MAGI1: variants seen among roughly 807,000 people sequenced by gnomAD.
The protein encoded by MAGI1 is membrane associated guanylate kinase, WW and PDZ domain containing 1, also known as membrane-associated guanylate kinase, WW and PDZ domain-containing protein 1.
MAGI1 carries 58 observed loss-of-function variants against 139.9 expected under a neutral mutation model. That is an observed-to-expected ratio of 0.41 (90% confidence interval 0.34 to 0.52). The LOEUF (loss-of-function observed/expected upper bound fraction) is 0.52. Ranked by LOEUF, MAGI1 falls within the 20% of genes least tolerant of loss-of-function variation. MAGI1 has a pLI of 0.12. For synonymous variants in MAGI1, 812 were observed against 737.9 expected (o/e 1.10, Z -1.63); for missense variants, 1,874 against 1,901.6 (o/e 0.99, Z 0.27).
intron 1 of MAGI1, among the ~76,000 whole-genome samples, chr3:65,982,264 C>A (rs1445519233): frequency 6.6e-6 from 1 of 152,190 alleles, no homozygotes; most frequent in Admixed American, 6.5e-5. Flanking sequence ...CAGCCTGAGA[C>A]TGGCCTGGGG....
intron 2 of MAGI1, among the ~76,000 whole-genome samples, chr3:65,621,691 G>A (rs1037194721): frequency 6.6e-6 from 1 of 152,188 alleles, no homozygotes; most frequent in Non-Finnish European, 1.5e-5. Flanking sequence ...CCTCATAGCA[G>A]TTCCATGAAG....
At chr3:65,467,152 C>A (rs62255273) in intron 5 of MAGI1, among the ~76,000 whole-genome samples, 18,787 of 152,238 alleles carry the variant, frequency 0.12, 1,383 homozygotes, top group Middle Eastern at 0.17. Context: ...ATTTGCTCTT[C>A]CTTTCAAAGT....
chr3:65,643,295 C>G (rs1559748654), intron 1 of MAGI1, among the ~76,000 whole-genome samples: 1 of 152,292 alleles, frequency 6.6e-6, no homozygotes, highest in East Asian at 1.9e-4. Flanking sequence ...TACTTTAAAA[C>G]CATGTTACTA....
intron 2 of MAGI1, among the ~76,000 whole-genome samples, chr3:65,521,577 T>C (rs544375893): frequency 7.9e-5 from 12 of 152,328 alleles, no homozygotes; most frequent in Admixed American, 7.8e-4. Flanking sequence ...TACAATACAA[T>C]GAATATTCAT....
At chr3:65,863,215 G>C (rs781162990) in intron 1 of MAGI1, among the ~76,000 whole-genome samples, 1 of 152,178 alleles carries the variant, frequency 6.6e-6, no homozygotes, top group Non-Finnish European at 1.5e-5. Flanking sequence ...GAGCTCATGT[G>C]ATACTGGTTA....
intron 1 of MAGI1, among the ~76,000 whole-genome samples, chr3:65,668,238 A>C (rs764033534): frequency 3.3e-5 from 5 of 152,182 alleles, no homozygotes; most frequent in African/African-American, 1.2e-4. Context: ...GAACGAATAC[A>C]CTTAATAAGG....
intron 1 of MAGI1, among the ~76,000 whole-genome samples, chr3:66,007,554 G>C (rs1302798467): frequency 1.3e-5 from 2 of 152,206 alleles, no homozygotes; most frequent in Non-Finnish European, 2.9e-5. Flanking sequence ...TGCAGGATAA[G>C]GGAAATGGTG....
chr3:65,620,549 G>T (rs2083608772), intron 2 of MAGI1, among the ~76,000 whole-genome samples: 1 of 151,986 alleles, frequency 6.6e-6, no homozygotes, highest in Non-Finnish European at 1.5e-5. Context: ...TGTAAAAATA[G>T]AATGATAATC....
chr3:65,563,409 G>T (rs908882313), intron 2 of MAGI1, among the ~76,000 whole-genome samples: 1 of 152,156 alleles, frequency 6.6e-6, no homozygotes, highest in African/African-American at 2.4e-5. Flanking sequence ...CCTCCCACAT[G>T]AAGAGAGCTG....
intron 2 of MAGI1, among the ~76,000 whole-genome samples, chr3:65,536,821 C>T (rs951405682): frequency 6.6e-6 from 1 of 152,168 alleles, no homozygotes; most frequent in Non-Finnish European, 1.5e-5. Flanking sequence ...CTGCTAGGAA[C>T]AATCCTCTTC....
chr3:65,950,101 A>G (rs2063753817), intron 1 of MAGI1, among the ~76,000 whole-genome samples: 1 of 88,236 alleles, frequency 1.1e-5, no homozygotes, highest in Non-Finnish European at 2.3e-5. Context: ...AAACAAAAAA[A>G]AAAAACAGAA....
At chr3:65,432,726 G>A (rs1223947450) in intron 10 of MAGI1, among the ~76,000 whole-genome samples, 1 of 152,166 alleles carries the variant, frequency 6.6e-6, no homozygotes, top group Non-Finnish European at 1.5e-5. Context: ...ACAATTATCA[G>A]ATGGAAATTG....
chr3:65,431,289 C>T (rs1947433645), intron 10 of MAGI1, among the ~76,000 whole-genome samples: 1 of 152,144 alleles, frequency 6.6e-6, no homozygotes, highest in Non-Finnish European at 1.5e-5. Flanking sequence ...TGATGTGCTG[C>T]TTTGGGCCTG....
chr3:65,852,979 CA>C (rs57460083), intron 1 of MAGI1, among the ~76,000 whole-genome samples: 20,840 of 104,006 alleles, frequency 0.2, 1,696 homozygotes, highest in Middle Eastern at 0.25. Context: ...ACTAAAAATA[CA>C]AAAAAAAAAA....
intron 1 of MAGI1, among the ~76,000 whole-genome samples, chr3:66,024,173 TGA>T (rs933983235): frequency 2.6e-5 from 4 of 151,570 alleles, no homozygotes; most frequent in African/African-American, 9.7e-5. Flanking sequence ...AGAAACCAAG[TGA>T]GAGACAAATA....
intron 2 of MAGI1, among the ~76,000 whole-genome samples, chr3:65,582,779 T>C (rs956935867): frequency 6.6e-6 from 1 of 152,120 alleles, no homozygotes; most frequent in Admixed American, 6.5e-5. Context: ...CCATGACTGT[T>C]AAAGGTTTTG....
chr3:65,942,068 T>A (rs1002593801), intron 1 of MAGI1, among the ~76,000 whole-genome samples: 2 of 152,212 alleles, frequency 1.3e-5, no homozygotes, highest in African/African-American at 4.8e-5. Context: ...ATTATAGGCG[T>A]GAGCCACCAT....
intron 1 of MAGI1, among the ~76,000 whole-genome samples, chr3:65,753,485 C>T (rs775710630): frequency 1.3e-5 from 2 of 152,066 alleles, no homozygotes; most frequent in Non-Finnish European, 2.9e-5. Context: ...TTTTGGGAGG[C>T]CGAGGCGGGA....
intron 2 of MAGI1, among the ~76,000 whole-genome samples, chr3:65,587,489 T>C (rs1379820790): frequency 6.9e-6 from 1 of 144,468 alleles, no homozygotes; most frequent in Non-Finnish European, 1.5e-5. Flanking sequence ...CTTTTTTTTT[T>C]TTTTTTTTTT....
Sources: gnomAD v4.1 joint callset for allele counts (sites outside exome capture counted in the v4.1 genomes callset) on GRCh38, gnomAD v4.1.1 for gene constraint, MANE v1.5 for transcripts, NCBI Gene and HGNC (gene_info 2026-07-23, HGNC 2026-07-21) for gene names.